The following SAMMSON variants were observed in gnomAD, a reference collection of about 807,000 sequenced individuals.
The protein encoded by SAMMSON is survival associated mitochondrial melanoma specific oncogenic non-coding RNA.
intron 4 of SAMMSON, among the ~76,000 whole-genome samples, chr3:70,167,263 A>G (rs1576141390): frequency 6.6e-6 from 1 of 151,972 alleles, no homozygotes; most frequent in Non-Finnish European, 1.5e-5. Flanking sequence ...TTGGCTAATA[A>G]AAATAAGTAG....
chr3:70,160,787 C>T (rs1251292003), intron 4 of SAMMSON, among the ~76,000 whole-genome samples: 1 of 151,998 alleles, frequency 6.6e-6, no homozygotes, highest in African/African-American at 2.4e-5. Context: ...TAAATTGGAG[C>T]ATAATTACCA....
At chr3:70,329,105 A>G (rs1469012819) in intron 7 of SAMMSON, among the ~76,000 whole-genome samples, 1 of 152,182 alleles carries the variant, frequency 6.6e-6, no homozygotes, top group Non-Finnish European at 1.5e-5. Context: ...CATATAGTTA[A>G]TCATGGTCAT....
chr3:70,080,347 G>A (rs544045585), intron 4 of SAMMSON, among the ~76,000 whole-genome samples: 2 of 152,244 alleles, frequency 1.3e-5, no homozygotes, highest in South Asian at 2.1e-4. Flanking sequence ...GCCTCTATTC[G>A]TCAGCAACCC....
At chr3:70,002,998 TC>T (rs2066911956) in intron 1 of SAMMSON, among the ~76,000 whole-genome samples, 1 of 152,138 alleles carries the variant, frequency 6.6e-6, no homozygotes, top group South Asian at 2.1e-4. Context: ...TTGTTATAAT[TC>T]TGTTAATTTT....
At chr3:70,186,833 C>A (rs1489262687) in intron 4 of SAMMSON, among the ~76,000 whole-genome samples, 2 of 152,188 alleles carry the variant, frequency 1.3e-5, no homozygotes, top group African/African-American at 4.8e-5. Flanking sequence ...CAGAGGGAGT[C>A]TTTTCCTAGC....
At chr3:70,380,939 A>G (rs1296871590) in intron 9 of SAMMSON, among the ~76,000 whole-genome samples, 4 of 152,110 alleles carry the variant, frequency 2.6e-5, no homozygotes, top group Admixed American at 6.6e-5. Context: ...AATCCAGTCT[A>G]TCATTGATGG....
intron 4 of SAMMSON, among the ~76,000 whole-genome samples, chr3:70,111,940 A>G (rs2067391426): frequency 6.6e-6 from 1 of 152,150 alleles, no homozygotes; most frequent in Non-Finnish European, 1.5e-5. Flanking sequence ...AAGGGACATT[A>G]AAAGTCTTGA....
intron 9 of SAMMSON, among the ~76,000 whole-genome samples, chr3:70,368,726 T>C (rs183988540): frequency 1.3e-4 from 20 of 151,794 alleles, no homozygotes; most frequent in Admixed American, 2.6e-4. Flanking sequence ...TGTTGATTTA[T>C]GTGTTTATTC....
intron 2 of SAMMSON, among the ~76,000 whole-genome samples, chr3:70,416,715 T>C (rs961841182): frequency 6.6e-6 from 1 of 152,180 alleles, no homozygotes; most frequent in African/African-American, 2.4e-5. Flanking sequence ...ACCCTCATCT[T>C]AAACTGTTTA....
intron 2 of SAMMSON, chr3:70,013,482 A>G (rs905173759): frequency 1.3e-5 from 2 of 152,158 alleles, no homozygotes; most frequent in Admixed American, 6.5e-5. Context: ...ATTCTTCTTC[A>G]TCTTCTTTCA....
intron 7 of SAMMSON, among the ~76,000 whole-genome samples, chr3:70,324,253 G>C (rs918071910): frequency 9.9e-5 from 15 of 151,434 alleles, no homozygotes; most frequent in Admixed American, 9.9e-4. Flanking sequence ...TCTCCCAGTG[G>C]TTGTATGACT....
intron 9 of SAMMSON, among the ~76,000 whole-genome samples, chr3:70,383,514 G>A (rs1389200568): frequency 2.0e-5 from 3 of 151,918 alleles, no homozygotes; most frequent in East Asian, 1.9e-4. Context: ...CCCACTTTCC[G>A]TATGAATTGG....
intron 3 of SAMMSON, among the ~76,000 whole-genome samples, chr3:70,059,775 C>G (rs985447999): frequency 7.2e-5 from 11 of 152,150 alleles, no homozygotes; most frequent in Admixed American, 6.5e-4. Context: ...AAATTAACCC[C>G]CCCAGTTGGC....
At chr3:70,278,648 G>A (rs983138443) in intron 6 of SAMMSON, among the ~76,000 whole-genome samples, 1 of 152,082 alleles carries the variant, frequency 6.6e-6, no homozygotes, top group African/African-American at 2.4e-5. Context: ...TCTAGAATAT[G>A]TCTTTTATGT....
intron 4 of SAMMSON, among the ~76,000 whole-genome samples, chr3:70,242,470 G>A (rs1701673537): frequency 6.6e-6 from 1 of 152,042 alleles, no homozygotes; most frequent in Admixed American, 6.6e-5. Context: ...CATCCTTTGG[G>A]GCAGTTACTT....
At chr3:70,098,675 A>C (rs1271047862) in intron 4 of SAMMSON, among the ~76,000 whole-genome samples, 1 of 151,970 alleles carries the variant, frequency 6.6e-6, no homozygotes, top group East Asian at 1.9e-4. Context: ...CCTCTTTTTC[A>C]TTTCTAAAAT....
chr3:70,265,083 G>A (rs1034411692), intron 6 of SAMMSON, among the ~76,000 whole-genome samples: 8 of 152,098 alleles, frequency 5.3e-5, no homozygotes, highest in Non-Finnish European at 1.2e-4. Flanking sequence ...GGAAAGACCT[G>A]CCCCCATGAT....
chr3:70,148,362 A>T (rs953067454), intron 4 of SAMMSON, among the ~76,000 whole-genome samples: 2 of 152,154 alleles, frequency 1.3e-5, no homozygotes, highest in Non-Finnish European at 1.5e-5. Context: ...ACGTTTTGTC[A>T]TGAAAGGTAA....
At chr3:70,123,500 G>T (rs1039598382) in intron 4 of SAMMSON, among the ~76,000 whole-genome samples, 2 of 152,168 alleles carry the variant, frequency 1.3e-5, no homozygotes, top group Non-Finnish European at 2.9e-5. Context: ...GAACTCCTGA[G>T]CTGAAGCGAT....
Sources: gnomAD v4.1 joint callset for allele counts (sites outside exome capture counted in the v4.1 genomes callset) on GRCh38, gnomAD v4.1.1 for gene constraint, MANE v1.5 for transcripts, NCBI Gene and HGNC (gene_info 2026-07-23, HGNC 2026-07-21) for gene names.